The following TBC1D2 variants were observed in gnomAD, a reference collection of about 807,000 sequenced individuals.
TBC1D2 encodes TBC1 domain family member 2.
In TBC1D2, 58 loss-of-function variants were observed where a neutral mutation model predicts 91.1. The observed-to-expected ratio is 0.64, with a 90% confidence interval of 0.52 to 0.79. TBC1D2 has a LOEUF of 0.79. TBC1D2 is among the 30% of genes least tolerant of loss of function. The pLI is 0.00. For synonymous variants in TBC1D2, 482 were observed against 511.5 expected, an observed-to-expected ratio of 0.94 and a Z score of 0.78; for missense variants, 1,080 against 1,208.3, an observed-to-expected ratio of 0.89 and a Z score of 1.57.
At chr9:98,206,057 C>T (rs774713397) in intron 9 of TBC1D2, among the ~76,000 whole-genome samples, 47 of 151,690 alleles carry the variant, frequency 3.1e-4, no homozygotes, top group Non-Finnish European at 1.0e-4. Flanking sequence ...GGTGCGATCT[C>T]GGCTCACTGC....
At chr9:98,238,422 AT>A (rs1285685295) in intron 3 of TBC1D2, among the ~76,000 whole-genome samples, 1 of 137,106 alleles carries the variant, frequency 7.3e-6, no homozygotes, top group Non-Finnish European at 1.5e-5. Context: ...TACAACTGAT[AT>A]TTCTATATTG....
At chr9:98,239,631 T>C (rs1314742992) in intron 3 of TBC1D2, among the ~76,000 whole-genome samples, 1 of 152,244 alleles carries the variant, frequency 6.6e-6, no homozygotes, top group Non-Finnish European at 1.5e-5. Context: ...TCTGTATCTT[T>C]CTTATGATGT....
chr9:98,200,561 T>C (rs901936001), intron 11 of TBC1D2, among the ~76,000 whole-genome samples, 187 bp from the exon 12 acceptor site: 1 of 15,950 alleles, frequency 6.3e-5, no homozygotes, highest in East Asian at 1.9e-3. Context: ...CCCGGCGGGG[T>C]GGTGGGGGGG....
intron 9 of TBC1D2, among the ~76,000 whole-genome samples, chr9:98,204,338 G>C (rs1270927921): frequency 6.6e-6 from 1 of 152,208 alleles, no homozygotes; most frequent in Admixed American, 6.5e-5. Context: ...AAGCCTCTGA[G>C]AAGTCCTGTG....
At chr9:98,249,797 A>C (rs1440116436) in intron 2 of TBC1D2, among the ~76,000 whole-genome samples, 1 of 152,242 alleles carries the variant, frequency 6.6e-6, no homozygotes, top group Non-Finnish European at 1.5e-5. Context: ...CAATATTATT[A>C]GGACAACTCC....
Position 98,199,524 on chromosome 9 carries a change from G to T in TBC1D2, c.2644C>A (p.Arg882Ser). The T allele has an allele frequency of 6.2e-7, 1 of 1,614,120 alleles. No homozygotes were observed. The highest frequency in any genetic ancestry group is 1.3e-5 in the African/African-American group (1 of 75,056). ...PFRMKQLRQL[R>S]MVHRERLEAE... ...TCCAGCCGCTCCCGGTGGACCATGC[G>T]CAGCTGCCGCAGCTGTTTCATGCGG... is the stretch of plus-strand genomic sequence containing the variant. The change falls in exon 13 of 13, where the codon CGC becomes AGC. Residue 882 changes from arginine to serine, a missense_variant. By Grantham distance (110) the Arg-to-Ser change is moderately radical. Transcript: ENST00000465784.
intron 5 of TBC1D2, among the ~76,000 whole-genome samples, chr9:98,224,751 T>A (rs1048519329): frequency 6.6e-6 from 1 of 151,920 alleles, no homozygotes; most frequent in East Asian, 1.9e-4. Context: ...TGGTGGGCCC[T>A]ACAGGGGTCA....
chr9:98,205,623 T>C (rs1828630614), intron 9 of TBC1D2, among the ~76,000 whole-genome samples: 1 of 152,198 alleles, frequency 6.6e-6, no homozygotes, highest in Non-Finnish European at 1.5e-5. Flanking sequence ...CATGGCTCAC[T>C]GCAACCTCTG....
chr9:98,229,345 A>C (rs1255618052), intron 4 of TBC1D2, 197 bp from the exon 5 acceptor site: 1 of 570,230 alleles, frequency 1.8e-6, no homozygotes, highest in African/African-American at 1.9e-5. Flanking sequence ...ATGCTGACAC[A>C]GCTTGTCCAG....
intron 9 of TBC1D2, among the ~76,000 whole-genome samples, 160 bp from the exon 10 acceptor site, chr9:98,203,568 G>T (rs966669708): frequency 2.0e-5 from 3 of 152,204 alleles, no homozygotes; most frequent in Admixed American, 2.0e-4. Context: ...GGCACCTGGG[G>T]TGAGATAAAC....
intron 8 of TBC1D2, among the ~76,000 whole-genome samples, chr9:98,209,359 C>T (rs886287564): frequency 4.6e-5 from 7 of 152,150 alleles, no homozygotes; most frequent in African/African-American, 1.4e-4. Context: ...AAAGACCCAA[C>T]GAGATCCTCT....
intron 3 of TBC1D2, 46 bp downstream of exon 3, chr9:98,243,948 G>T: frequency 6.3e-7 from 1 of 1,575,486 alleles, no homozygotes; most frequent in Non-Finnish European, 8.6e-7. Flanking sequence ...TCCACTGAAG[G>T]GGCTGCCTGC....
intron 9 of TBC1D2, among the ~76,000 whole-genome samples, chr9:98,208,123 T>C (rs1025657301): frequency 6.6e-6 from 1 of 152,172 alleles, no homozygotes; most frequent in East Asian, 1.9e-4. Flanking sequence ...AAGTTGTACG[T>C]CCCCAAGCAC....
intron 3 of TBC1D2, among the ~76,000 whole-genome samples, chr9:98,239,083 G>C (rs1196190749): frequency 6.6e-6 from 1 of 151,888 alleles, no homozygotes; most frequent in Non-Finnish European, 1.5e-5. Context: ...TTTAGAGACA[G>C]TGTCTCACTC....
At chr9:98,241,498 A>G (rs2131275298) in intron 3 of TBC1D2, among the ~76,000 whole-genome samples, 1 of 152,310 alleles carries the variant, frequency 6.6e-6, no homozygotes, top group African/African-American at 2.4e-5. Flanking sequence ...AGCCCAGGGC[A>G]CTTCTCTTGC....
At chr9:98,224,773 A>T (rs1829190265) in intron 5 of TBC1D2, among the ~76,000 whole-genome samples, 2 of 152,152 alleles carry the variant, frequency 1.3e-5, no homozygotes, top group South Asian at 4.1e-4. Context: ...ATGAAGGGGC[A>T]TGGGCTTTGG....
intron 6 of TBC1D2, among the ~76,000 whole-genome samples, chr9:98,215,274 A>G (rs535988436): frequency 1.3e-5 from 2 of 152,166 alleles, no homozygotes; most frequent in South Asian, 2.1e-4. Context: ...GGAGTCTAAC[A>G]CTTTACTGTC....
chr9:98,252,857 A>C (rs1004702255), intron 1 of TBC1D2, among the ~76,000 whole-genome samples: 3 of 152,186 alleles, frequency 2.0e-5, no homozygotes, highest in African/African-American at 4.8e-5. Flanking sequence ...AGCGGGCTAC[A>C]TGGCAACAGA....
At position 98,255,328 on chromosome 9, in the gene TBC1D2, C is replaced by T. The variant is rs764564824; in HGVS notation, c.214G>A (p.Asp72Asn). 3 of 1,614,262 alleles carry T rather than the reference C, an allele frequency of 1.9e-6. No individual in the cohort carries two copies. Among genetic ancestry groups the T allele is most frequent in the Admixed American group, 1.7e-5 (1 of 60,034 alleles). The change falls in exon 1 of 13, where the codon GAC becomes AAC. Residue 72 changes from aspartate (D) to asparagine (N), a missense_variant. By Grantham distance (23) the Asp-to-Asn change is conservative. Transcript: ENST00000465784. ...RGWKSRWFFY[D>N]ERKCQLYYSR... ...TAATACAGCTGACATTTCCTTTCGT[C>T]GTAGAAGAACCAGCGGGATTTCCAG...
Sources: gnomAD v4.1 joint callset for allele counts (sites outside exome capture counted in the v4.1 genomes callset) on GRCh38, gnomAD v4.1.1 for gene constraint, MANE v1.5 for transcripts, NCBI Gene and HGNC (gene_info 2026-07-23, HGNC 2026-07-21) for gene names.